Variants in GJC1 observed in about 807,000 individuals in gnomAD.
The protein encoded by GJC1 is gap junction gamma-1 protein.
Under a neutral mutation model 29.3 loss-of-function variants are expected in GJC1, and 5 were observed. That is an observed-to-expected ratio of 0.17 (90% CI 0.09 to 0.36). The LOEUF (loss-of-function observed/expected upper bound fraction) is 0.36, where lower values mean the gene tolerates loss of function less well. Among genes scored for constraint, GJC1 ranks in the 10% least tolerant of loss-of-function variants. The pLI is 1.00. For synonymous variants in GJC1, 177 were observed against 183.3 expected, an observed-to-expected ratio of 0.97 and a Z score of 0.28; for missense variants, 310 against 496.2, an observed-to-expected ratio of 0.62 and a Z score of 3.56.
intron 1 of GJC1, among the ~76,000 whole-genome samples, chr17:44,809,631 C>A (rs1309455546): frequency 6.7e-6 from 1 of 150,220 alleles, no homozygotes; most frequent in South Asian, 2.1e-4. Context: ...AGTGCAATGG[C>A]GCGATCTTGG....
intron 1 of GJC1, among the ~76,000 whole-genome samples, chr17:44,827,699 G>A (rs960219690): frequency 2.0e-5 from 3 of 152,068 alleles, no homozygotes; most frequent in Non-Finnish European, 2.9e-5. Flanking sequence ...CTGGGAGGCC[G>A]AGGCGGGAGG....
intron 1 of GJC1, among the ~76,000 whole-genome samples, chr17:44,813,519 G>T (rs554545822): frequency 9.9e-5 from 11 of 111,456 alleles, no homozygotes; most frequent in Non-Finnish European, 1.9e-4. Flanking sequence ...TGAGACAAGA[G>T]TCTCTCTCTG....
At chr17:44,816,564 AAG>A (rs1279375309) in intron 1 of GJC1, among the ~76,000 whole-genome samples, 1 of 151,994 alleles carries the variant, frequency 6.6e-6, no homozygotes, top group African/African-American at 2.4e-5. Flanking sequence ...TGCAATGGCG[AAG>A]TCTCAGCTCA....
At chr17:44,814,287 C>A (rs1034239166) in intron 1 of GJC1, among the ~76,000 whole-genome samples, 3 of 151,314 alleles carry the variant, frequency 2.0e-5, no homozygotes, top group Non-Finnish European at 4.4e-5. Flanking sequence ...ACTACAGGTG[C>A]CCGCCACCAC....
intron 1 of GJC1, among the ~76,000 whole-genome samples, chr17:44,809,208 C>G (rs1422129327): frequency 2.6e-5 from 4 of 152,176 alleles, no homozygotes; most frequent in Non-Finnish European, 4.4e-5. Context: ...CTGCAATGAG[C>G]TATGATCATA....
At chr17:44,812,404 G>A (rs1289240822) in intron 1 of GJC1, among the ~76,000 whole-genome samples, 1 of 152,242 alleles carries the variant, frequency 6.6e-6, no homozygotes, top group East Asian at 1.9e-4. Context: ...TTACTGGAAC[G>A]CTACGCATGT....
In GJC1 at chr17:44,801,463, G is replaced by C. The variant is rs2049844674; in HGVS notation, c.*3164C>G. The C allele has an allele frequency of 6.6e-6, 1 of 152,202 alleles. No homozygotes were observed. Among genetic ancestry groups the C allele is most frequent in the African/African-American group, 2.4e-5 (1 of 41,442 alleles). The allele number at this position is 152,202 out of a possible 1,614,324, so 9.4% of individuals were successfully genotyped here. ...CTTATATGGCAATTCAAAACAGTAT[G>C]ATTCTGATGCGAGTGAGAACTAAAT... On this transcript the variant is annotated 3_prime_UTR_variant, in exon 3 of 3. Coordinates refer to ENST00000592524, the MANE Select transcript of GJC1 (RefSeq NM_005497.4).
intron 1 of GJC1, among the ~76,000 whole-genome samples, chr17:44,808,505 C>T (rs2049937814): frequency 6.6e-6 from 1 of 151,974 alleles, no homozygotes; most frequent in South Asian, 2.1e-4. Context: ...AATCCCAGCA[C>T]TTCGGGAGGC....
chr17:44,814,714 A>G (rs1458379717), intron 1 of GJC1, among the ~76,000 whole-genome samples: 1 of 152,080 alleles, frequency 6.6e-6, no homozygotes, highest in Non-Finnish European at 1.5e-5. Flanking sequence ...AGGCCAAGGC[A>G]GGTGGATCAC....
intron 1 of GJC1, among the ~76,000 whole-genome samples, chr17:44,825,762 G>C (rs1298791513): frequency 6.8e-6 from 1 of 147,836 alleles, no homozygotes; most frequent in Non-Finnish European, 1.5e-5. Context: ...GTGAAAGAGT[G>C]AGACTCAGTC....
At chr17:44,828,903 A>C (rs111546122) in intron 1 of GJC1, among the ~76,000 whole-genome samples, 136 of 152,142 alleles carry the variant, frequency 8.9e-4, no homozygotes, top group African/African-American at 2.9e-3. Flanking sequence ...TACAGATATT[A>C]AAGTACTGGA....
intron 1 of GJC1, among the ~76,000 whole-genome samples, chr17:44,825,905 T>C (rs1231207055): frequency 1.3e-5 from 2 of 152,156 alleles, no homozygotes; most frequent in African/African-American, 4.8e-5. Context: ...AAGAATTCAT[T>C]TACCAGAATA....
intron 2 of GJC1, among the ~76,000 whole-genome samples, chr17:44,806,424 C>G (rs910603100): frequency 9.1e-5 from 11 of 120,456 alleles, no homozygotes; most frequent in Non-Finnish European, 1.3e-4. Flanking sequence ...TTTTTTGAGA[C>G]AGTTTCCCTC....
At chr17:44,796,804 TACACACACACACACACACATAC>T (rs1219626060), downstream of GJC1, among the ~76,000 whole-genome samples, 11 of 150,790 alleles carry the variant, frequency 7.3e-5, no homozygotes, top group Non-Finnish European at 1.2e-4. Flanking sequence ...GGATCTAAAA[TACACACACACACACACACATAC>T]ACACACACAC....
chr17:44,804,586 A>G lies in GJC1; in HGVS notation c.*41T>C. On this transcript the variant is annotated 3_prime_UTR_variant, in exon 3 of 3. Coordinates refer to ENST00000592524, the MANE Select transcript of GJC1 (RefSeq NM_005497.4). ...GTCATTATTCAGTGAGCTGCTGCTTACCATAAACTATGAAAAGCACAGGTT... is the reference window on the plus strand; with the variant it reads ...GTCATTATTCAGTGAGCTGCTGCTTGCCATAAACTATGAAAAGCACAGGTT... The G allele has an allele frequency of 1.4e-6, 2 of 1,405,770 alleles. No homozygotes were observed. Among genetic ancestry groups the G allele is most frequent in the Non-Finnish European group, 2.0e-6 (2 of 1,011,130 alleles). The allele number at this position is 1,405,770 out of a possible 1,614,324, so 87.1% of individuals were successfully genotyped here. A position where few individuals can be genotyped will look rare whatever the true frequency, so the allele number is the denominator to read the frequency against.
chr17:44,796,389 T>C (rs2049783421), downstream of GJC1, among the ~76,000 whole-genome samples: 3 of 152,178 alleles, frequency 2.0e-5, no homozygotes, highest in Admixed American at 2.0e-4. Context: ...TGATAGATTA[T>C]TTGGCTGAAC....
At chr17:44,811,387 T>TC (rs2049979459) in intron 1 of GJC1, among the ~76,000 whole-genome samples, 2 of 146,888 alleles carry the variant, frequency 1.4e-5, no homozygotes, top group Non-Finnish European at 3.0e-5. Context: ...TGGCCTTTTT[T>TC]CTTTTTTTTT....
intron 1 of GJC1, among the ~76,000 whole-genome samples, chr17:44,808,428 T>TACACACACACACACACAC (rs56999580): frequency 4.7e-4 from 69 of 147,542 alleles, no homozygotes; most frequent in South Asian, 1.5e-3. Flanking sequence ...CCCTGTCTCT[T>TACACACACACACACACAC]ACACACACAC....
Position 44,804,970 on chromosome 17 carries a change from G to A in GJC1, c.848C>T (p.Thr283Ile). 6 of 1,614,028 alleles carry A rather than the reference G, an allele frequency of 3.7e-6. No individual in the cohort carries two copies. Among genetic ancestry groups the A allele is most frequent in the Non-Finnish European group, 5.1e-6 (6 of 1,179,922 alleles). Residue 283 changes from threonine to isoleucine, a missense_variant, in exon 3 of 3, where the codon ACA becomes ATA. Physicochemically the swap from Thr to Ile is moderately conservative, Grantham distance 89. Around this residue, in one of 4 missense-constraint regions of GJC1, gnomAD observed 146 missense variants for 165.0 expected, o/e 0.88. Coordinates refer to ENST00000592524, the MANE Select transcript of GJC1 (RefSeq NM_005497.4). ...GTTATAGCCAGGGGGAGCAGATGGT[G>A]TATTCCAAGTGAAAGGATAATTATA... ...GAYNYPFTWNTPSAPPGYNIA... is the reference protein window; with the variant it reads ...GAYNYPFTWNIPSAPPGYNIA...
Sources: allele counts gnomAD v4.1 joint callset (sites outside exome capture counted in the v4.1 genomes callset), GRCh38; gene constraint gnomAD v4.1.1; regional missense constraint gnomAD v4.1.1; transcripts MANE v1.5; gene names NCBI Gene and HGNC (gene_info 2026-07-23, HGNC 2026-07-21).